The following PTPN3 variants were observed in gnomAD, a reference collection of about 807,000 sequenced individuals.
The protein encoded by PTPN3 is protein tyrosine phosphatase non-receptor type 3.
Under a neutral mutation model 132.7 loss-of-function variants are expected in PTPN3, and 96 were observed. The observed-to-expected ratio is 0.72, with a 90% CI of 0.61 to 0.86. PTPN3 has a LOEUF of 0.86. PTPN3 is among the 40% of genes least tolerant of loss of function. The pLI, the probability that PTPN3 is intolerant of heterozygous loss-of-function variation, is 0.00. For synonymous variants in PTPN3, 398 were observed against 429.0 expected, an observed-to-expected ratio of 0.93 and a Z score of 0.89; for missense variants, 1,125 against 1,159.6, an observed-to-expected ratio of 0.97 and a Z score of 0.43.
At chr9:109,537,201 A>G in the PTPN3 span, among the ~76,000 whole-genome samples, 2 of 152,234 alleles carry the variant, frequency 1.3e-5, no homozygotes, top group Non-Finnish European at 2.9e-5. Context: ...TCCAAGTAAT[A>G]GAGGGGTCCT....
the PTPN3 span, among the ~76,000 whole-genome samples, chr9:109,516,518 G>A: frequency 7.2e-5 from 11 of 152,222 alleles, no homozygotes; most frequent in African/African-American, 2.6e-4. Flanking sequence ...CATGGTGAGG[G>A]TGTAAGGGTG....
chr9:109,422,883 C>A (rs766869345), intron 12 of PTPN3, 31 bp from the exon 13 acceptor site: 2 of 1,603,328 alleles, frequency 1.2e-6, no homozygotes, highest in Non-Finnish European at 1.7e-6. Context: ...TCACTTTCTA[C>A]ACTGACGTTC....
chr9:109,460,334 A>G (rs1031554257), intron 2 of PTPN3, among the ~76,000 whole-genome samples: 2 of 152,008 alleles, frequency 1.3e-5, no homozygotes, highest in African/African-American at 4.8e-5. Context: ...ACCATGTCCA[A>G]TGGTCATCAT....
the PTPN3 span, among the ~76,000 whole-genome samples, chr9:109,510,678 C>T: frequency 2.8e-5 from 4 of 144,842 alleles, no homozygotes; most frequent in East Asian, 4.2e-4. Context: ...AATTATTTTA[C>T]GAGGAGATTG....
chr9:109,516,863 G>C, the PTPN3 span, among the ~76,000 whole-genome samples: 3 of 152,150 alleles, frequency 2.0e-5, no homozygotes, highest in Non-Finnish European at 4.4e-5. Flanking sequence ...AGAGCTCCCA[G>C]GTTTCTACTT....
intron 16 of PTPN3, among the ~76,000 whole-genome samples, chr9:109,408,795 AAATAT>A (rs1329303690): frequency 0.094 from 8,047 of 85,504 alleles, 363 homozygotes; most frequent in Middle Eastern, 0.14. Flanking sequence ...AAAAAAAAAA[AAATAT>A]ATATATATAT....
the PTPN3 span, among the ~76,000 whole-genome samples, chr9:109,529,612 G>T: frequency 6.6e-6 from 1 of 152,146 alleles, no homozygotes. Context: ...AATTGCTCTT[G>T]CTTTCTAGGC....
At chr9:109,479,951 G>A (rs1048701215) in intron 1 of PTPN3, among the ~76,000 whole-genome samples, 2 of 152,270 alleles carry the variant, frequency 1.3e-5, no homozygotes, top group Middle Eastern at 3.4e-3. Flanking sequence ...CACAATATAA[G>A]AGGGTTACTA....
chr9:109,413,214 A>G (rs932036225), intron 14 of PTPN3, among the ~76,000 whole-genome samples: 1 of 151,200 alleles, frequency 6.6e-6, no homozygotes, highest in Admixed American at 6.6e-5. Context: ...TCGGCCTCCC[A>G]AAGTGCTGGG....
At chr9:109,460,991 A>T (rs1235030648) in intron 2 of PTPN3, among the ~76,000 whole-genome samples, 1 of 152,250 alleles carries the variant, frequency 6.6e-6, no homozygotes, top group Non-Finnish European at 1.5e-5. Flanking sequence ...GTTAAAGAAC[A>T]GCTCCAAGAC....
chr9:109,393,868 C>A (rs1840346040), intron 19 of PTPN3, among the ~76,000 whole-genome samples: 1 of 152,140 alleles, frequency 6.6e-6, no homozygotes, highest in Non-Finnish European at 1.5e-5. Context: ...AAATAAATTA[C>A]ACAGAACTCC....
intron 1 of PTPN3, among the ~76,000 whole-genome samples, chr9:109,475,822 T>C (rs998589449): frequency 6.6e-6 from 1 of 152,136 alleles, no homozygotes; most frequent in Non-Finnish European, 1.5e-5. Flanking sequence ...AGCTGGAATC[T>C]CACAACCGGA....
chr9:109,535,733 C>T, the PTPN3 span, among the ~76,000 whole-genome samples: 1 of 152,132 alleles, frequency 6.6e-6, no homozygotes, highest in Non-Finnish European at 1.5e-5. Context: ...TCTTGAACTC[C>T]TGGCCTCAAG....
chr9:109,526,180 T>C, the PTPN3 span, among the ~76,000 whole-genome samples: 1 of 152,128 alleles, frequency 6.6e-6, no homozygotes, highest in African/African-American at 2.4e-5. Context: ...ACCAGTACAC[T>C]GACAACCATA....
the PTPN3 span, among the ~76,000 whole-genome samples, chr9:109,507,387 C>T: frequency 2.6e-5 from 4 of 152,174 alleles, no homozygotes; most frequent in Non-Finnish European, 4.4e-5. Flanking sequence ...CATTTCATTG[C>T]CGAGAAACTG....
upstream of PTPN3, among the ~76,000 whole-genome samples, chr9:109,500,599 G>T (rs12685453): frequency 6.7e-6 from 1 of 149,742 alleles, no homozygotes; most frequent in African/African-American, 2.5e-5. Context: ...GTTGCAACAG[G>T]GAAAACACGG....
At position 109,406,618 on chromosome 9, in the gene PTPN3, C is replaced by T. The variant is rs765177743; in HGVS notation, c.1636G>A (p.Ala546Thr). The T allele has an allele frequency of 6.2e-7, 1 of 1,613,970 alleles. No homozygotes were observed. The highest frequency in any genetic ancestry group is 8.5e-7 in the Non-Finnish European group (1 of 1,179,866). The change falls in exon 18 of 26, where the codon GCG becomes ACG. Residue 546 changes from alanine (A) to threonine (T), a missense_variant and splice_region_variant. Ala to Thr is a moderately conservative substitution (Grantham distance 58). Transcript: ENST00000374541. ...TTCAGCTTAGGAATGCAGGTGTCCG[C>T]CTGGGTGGTGGGGAAAAGCGAGTTT... The part of the protein sequence containing the change: ...VVSRINPESP[A>T]DTCIPKLNEG...
At chr9:109,404,792 G>C (rs933406174) in intron 18 of PTPN3, among the ~76,000 whole-genome samples, 184 bp from the exon 19 acceptor site, 3 of 152,170 alleles carry the variant, frequency 2.0e-5, no homozygotes, top group African/African-American at 7.2e-5. Context: ...TTCAATATGT[G>C]TTAATTACAT....
At chr9:109,519,737 C>T in the PTPN3 span, among the ~76,000 whole-genome samples, 1 of 128,830 alleles carries the variant, frequency 7.8e-6, no homozygotes, top group Non-Finnish European at 1.6e-5. Flanking sequence ...TTTGATGGAG[C>T]AAGTGCTCCT....
Sources: allele counts gnomAD v4.1 joint callset (sites outside exome capture counted in the v4.1 genomes callset), GRCh38; gene constraint gnomAD v4.1.1; transcripts MANE v1.5; gene names NCBI Gene and HGNC (gene_info 2026-07-23, HGNC 2026-07-21).